FREM2: variants seen among roughly 807,000 people sequenced by gnomAD.
FREM2 encodes the protein FRAS1-related extracellular matrix protein 2.
In FREM2, 119 loss-of-function variants were observed where a neutral mutation model predicts 219.9. The observed-to-expected ratio is 0.54, with a 90% CI of 0.47 to 0.63. The LOEUF (loss-of-function observed/expected upper bound fraction) is 0.63, where lower values mean the gene tolerates loss of function less well. FREM2 is among the 30% of genes least tolerant of loss of function. FREM2 has a pLI of 0.00. For missense variants in FREM2, 4,030 were observed against 3,993.6 expected, an observed-to-expected ratio of 1.01 and a Z score of -0.25; for synonymous variants, 1,562 against 1,522.8, an observed-to-expected ratio of 1.03 and a Z score of -0.60.
intron 6 of FREM2, among the ~76,000 whole-genome samples, chr13:38,832,188 C>T (rs1033453315): frequency 1.1e-4 from 17 of 151,728 alleles, no homozygotes; most frequent in Non-Finnish European, 2.5e-4. Context: ...TGCTTGAACC[C>T]GGGAGGCAGA....
Position 38,851,741 on chromosome 13 carries a change from T to TGGAG in FREM2, c.6799_6802dup (p.Glu2268GlyfsTer45), listed in dbSNP as rs1877377994. The TGGAG allele has an allele frequency of 6.2e-7, 1 of 1,613,488 alleles. No individual in the cohort carries two copies. The highest frequency in any genetic ancestry group is 1.3e-5 in the African/African-American group (1 of 74,890). On this transcript the variant is annotated frameshift_variant, in exon 11 of 24. Transcript: ENST00000280481. LOFTEE classifies it high-confidence loss of function. ...TTAGTGTCACTGAACCCAAAGAACC[T>TGGAG]GGAGAGTCGGTGGTTATAAGAATTC...
At chr13:38,790,188 C>T (rs1487445013) in intron 6 of FREM2, among the ~76,000 whole-genome samples, 1 of 152,134 alleles carries the variant, frequency 6.6e-6, no homozygotes, top group Non-Finnish European at 1.5e-5. Flanking sequence ...GCAGAAACAA[C>T]AAGCTCCATA....
chr13:38,864,771 G>C (rs1296272276), intron 16 of FREM2, 165 bp downstream of exon 16: 2 of 687,278 alleles, frequency 2.9e-6, no homozygotes, highest in Admixed American at 2.2e-5. Context: ...GAAAATCCGT[G>C]TCTATTTCTT....
chr13:38,687,766 T>A lies in FREM2; in HGVS notation c.422T>A (p.Leu141Gln). 6.5e-7 allele frequency: 1 copy of A among 1,541,022 alleles called. No homozygotes were observed. Among genetic ancestry groups the A allele is most frequent in the Non-Finnish European group, 8.8e-7 (1 of 1,140,580 alleles). The change falls in exon 1 of 24, where the codon CTG (leucine) becomes CAG (glutamine). Residue 141 changes from leucine (L) to glutamine (Q), a missense_variant. Physicochemically the swap from Leu to Gln is moderately radical, Grantham distance 113. Around this residue, in one of 2 missense-constraint regions of FREM2, gnomAD observed 3,102 missense variants for 2,950.7 expected, o/e 1.05. Transcript: ENST00000280481. ...CCTGGCGAGGTGCGCTACTCTCACC[T>A]GGGCGCGCGCAGCCCGTCTCGGGAC... is the stretch of plus-strand genomic sequence containing the variant. ...FGPGEVRYSH[L>Q]GARSPSRDRV... is the part of the protein sequence containing the mutation.
intron 6 of FREM2, among the ~76,000 whole-genome samples, chr13:38,796,586 T>C (rs1476967194): frequency 1.3e-5 from 2 of 152,170 alleles, no homozygotes; most frequent in African/African-American, 4.8e-5. Flanking sequence ...TCATGCCATG[T>C]CCATATTTCA....
intron 8 of FREM2, 111 bp downstream of exon 8, chr13:38,848,781 T>C (rs1877262748): frequency 1.0e-6 from 1 of 989,862 alleles, no homozygotes; most frequent in African/African-American, 1.6e-5. Flanking sequence ...TTGCTAGGGC[T>C]TCCATAACAA....
chr13:38,802,516 C>A (rs1875055059), intron 6 of FREM2, among the ~76,000 whole-genome samples: 1 of 152,162 alleles, frequency 6.6e-6, no homozygotes, highest in Non-Finnish European at 1.5e-5. Context: ...AGATAGGTAG[C>A]TGTGGGGAGT....
Position 38,691,473 on chromosome 13 carries a change from A to G in FREM2, c.4129A>G (p.Arg1377Gly). 6.2e-7 allele frequency: 1 copy of G among 1,614,182 alleles called. No homozygotes were observed. ...GAATTTTACCCAGGATGAAGTAGAC[A>G]GAAACTTAATTCAGTATGTCCATTT... ...GMNFTQDEVD[R>G]NLIQYVHLGQ... The change falls in exon 1 of 24, where the codon AGA becomes GGA. Residue 1377 changes from arginine (R) to glycine (G), a missense_variant. Physicochemically the swap from Arg to Gly is moderately radical, Grantham distance 125. Around this residue, in one of 2 missense-constraint regions of FREM2, gnomAD observed 3,102 missense variants for 2,950.7 expected, o/e 1.05. Transcript: ENST00000280481.
intron 2 of FREM2, among the ~76,000 whole-genome samples, chr13:38,746,517 T>C (rs1202601168): frequency 6.6e-6 from 1 of 152,184 alleles, no homozygotes; most frequent in Non-Finnish European, 1.5e-5. Context: ...GAGTGCAGGG[T>C]AAGTTACCTA....
chr13:38,721,460 C>T (rs1408082677), intron 2 of FREM2, among the ~76,000 whole-genome samples: 2 of 152,104 alleles, frequency 1.3e-5, no homozygotes, highest in Non-Finnish European at 1.5e-5. Context: ...GGGGACGCAG[C>T]ACCAGACAAG....
At chr13:38,780,432 G>A (rs1874074003) in intron 4 of FREM2, among the ~76,000 whole-genome samples, 1 of 152,180 alleles carries the variant, frequency 6.6e-6, no homozygotes, top group Admixed American at 6.5e-5. Flanking sequence ...CCTGGTCCAA[G>A]CTTCTATGAT....
At chr13:38,866,298 C>T (rs546126052) in intron 16 of FREM2, among the ~76,000 whole-genome samples, 1 of 152,092 alleles carries the variant, frequency 6.6e-6, no homozygotes, top group South Asian at 2.1e-4. Context: ...AGTCCAAGAG[C>T]AGCCTGACCA....
intron 5 of FREM2, among the ~76,000 whole-genome samples, chr13:38,783,834 T>C (rs1359112265): frequency 1.3e-5 from 2 of 152,212 alleles, no homozygotes; most frequent in African/African-American, 4.8e-5. Context: ...CAGTGGCTCA[T>C]GCCTGTAATC....
intron 6 of FREM2, among the ~76,000 whole-genome samples, chr13:38,824,620 T>C (rs1044475777): frequency 2.6e-5 from 4 of 151,850 alleles, no homozygotes; most frequent in African/African-American, 9.7e-5. Context: ...AGAGATGAAA[T>C]CATAGGGAAT....
In FREM2 at chr13:38,687,576, G is replaced by A. The variant is rs912727515; in HGVS notation, c.232G>A (p.Gly78Arg). 7 of 1,604,348 alleles carry A rather than the reference G, an allele frequency of 4.4e-6. No homozygotes were observed. The highest frequency in any genetic ancestry group is 4.0e-5 in the African/African-American group (3 of 74,778). Residue 78 changes from glycine (G) to arginine (R), a missense_variant, in exon 1 of 24, where the codon GGA becomes AGA. This residue lies in a region of FREM2 where 3,102 missense variants were observed against 2,950.7 expected (regional missense o/e 1.05). Coordinates refer to ENST00000280481, the MANE Select transcript of FREM2 (RefSeq NM_207361.6). ...GGAGGCCATAGTGCTGGCGAACCGCGGACTCCGGGTGCCTTTCGGCCGTGA... is the reference window on the plus strand; with the variant it reads ...GGAGGCCATAGTGCTGGCGAACCGCAGACTCCGGGTGCCTTTCGGCCGTGA... ...AEEAIVLANR[G>R]LRVPFGREVW...
In FREM2 at chr13:38,687,563, G is replaced by A. The variant is rs115510540; in HGVS notation, c.219G>A (p.Val73=). The change falls in exon 1 of 24, where the codon GTG becomes GTA. Residue 73 remains valine (V), a synonymous_variant. Transcript: ENST00000280481. ...GGGTCCCTGCTGAGGAGGCCATAGTGCTGGCGAACCGCGGACTCCGGGTGC... is the reference window on the plus strand; with the variant it reads ...GGGTCCCTGCTGAGGAGGCCATAGTACTGGCGAACCGCGGACTCCGGGTGC... ...AAGVPAEEAI[V]LANRGLRVPF... is the part of the protein sequence containing the mutation. The A allele has an allele frequency of 2.2e-5, 35 of 1,603,042 alleles. No homozygotes were observed. The East Asian group carries it at 2.7e-4, about 12-fold the overall frequency.
Position 38,709,986 on chromosome 13 carries a change from T to TAC in FREM2, c.5263+12249_5263+12250dup, listed in dbSNP as rs59108347. Among the ~76,000 whole-genome samples, 1,303 of 130,376 alleles carry TAC rather than the reference T, an allele frequency of 1.0e-2. 12 individuals carry two copies. The highest frequency in any genetic ancestry group is 0.017 in the African/African-American group (594 of 35,306). 85.5% of individuals were successfully genotyped at this position (130,376 alleles called of 152,430 possible). A position where few individuals can be genotyped will look rare whatever the true frequency, so the allele number is the denominator to read the frequency against. ...GGTGAAAAATTAGTCTAACTAAAAA[T>TAC]ACACACACACACACACACACACACA... On this transcript the variant is annotated intron_variant, in intron 2 of 23. Transcript: ENST00000280481.
chr13:38,720,245 C>T (rs532156279), intron 2 of FREM2, among the ~76,000 whole-genome samples: 9 of 152,232 alleles, frequency 5.9e-5, no homozygotes, highest in South Asian at 2.1e-4. Flanking sequence ...AATTATTAAT[C>T]GTATTTACTA....
intron 2 of FREM2, among the ~76,000 whole-genome samples, chr13:38,758,156 G>A (rs1158414830): frequency 6.6e-6 from 1 of 152,160 alleles, no homozygotes; most frequent in Non-Finnish European, 1.5e-5. Flanking sequence ...GATGTATCTT[G>A]ACCTTGCCTT....
Sources: gnomAD v4.1 joint callset for allele counts (sites outside exome capture counted in the v4.1 genomes callset) on GRCh38, gnomAD v4.1.1 for gene constraint, gnomAD v4.1.1 regional missense constraint, MANE v1.5 for transcripts, NCBI Gene and HGNC (gene_info 2026-07-23, HGNC 2026-07-21) for gene names.